RIN2: variants seen among roughly 807,000 people sequenced by gnomAD.
RIN2 encodes RAB5 interacting protein 2.
Under a neutral mutation model 78.0 loss-of-function variants are expected in RIN2, and 36 were observed. The observed-to-expected ratio is 0.46, with a 90% confidence interval of 0.35 to 0.61. RIN2 has a LOEUF of 0.61. Among genes scored for constraint, RIN2 ranks in the 20% least tolerant of loss-of-function variants. The pLI, the probability that RIN2 is intolerant of heterozygous loss-of-function variation, is 0.00. For missense variants in RIN2, 1,087 were observed against 1,159.7 expected, an observed-to-expected ratio of 0.94 and a Z score of 0.91; for synonymous variants, 466 against 466.8, an observed-to-expected ratio of 1.00 and a Z score of 0.02.
Position 19,898,366 on chromosome 20 carries a change from G to A in RIN2, c.57+8708G>A, listed in dbSNP as rs141211947. On this transcript the variant is annotated intron_variant, in intron 3 of 12. Coordinates refer to ENST00000255006, the MANE Select transcript of RIN2 (RefSeq NM_018993.4). Reference sequence around the variant, plus strand: ...TGTAGCTCTAAGTTTCATATTAGAAGGATACCAAGAAGGAAGATGTAGTTT... The same window carrying A: ...TGTAGCTCTAAGTTTCATATTAGAAAGATACCAAGAAGGAAGATGTAGTTT... Among the ~76,000 whole-genome samples, 478 of 152,212 alleles carry A rather than the reference G, an allele frequency of 3.1e-3. 2 individuals carry two copies. The highest frequency in any genetic ancestry group is 0.011 in the African/African-American group (442 of 41,516).
At chr20:19,954,162 T>C (rs2041440196) in intron 4 of RIN2, among the ~76,000 whole-genome samples, 1 of 152,230 alleles carries the variant, frequency 6.6e-6, no homozygotes, top group African/African-American at 2.4e-5. Context: ...TTCTTCTAAA[T>C]TCAGTCCCAC....
chr20:19,995,261 T>TTA lies in RIN2; in HGVS notation c.2201-1418_2201-1417insTA, dbSNP rs1555811955. ...AAATTGCCAGTGTCTGTTTTTTTTT[T>TTA]AAAAAAAAAAAAAAAAACAAAACAC... On this transcript the variant is annotated intron_variant, in intron 11 of 12. Transcript: ENST00000255006. Among the ~76,000 whole-genome samples the TTA allele has an allele frequency of 3.7e-3, 458 of 122,694 alleles. 2 individuals carry two copies. Among genetic ancestry groups the TTA allele is most frequent in the East Asian group, 0.028 (121 of 4,340 alleles). 80.5% of individuals were successfully genotyped at this position (122,694 alleles called of 152,430 possible).
chr20:19,840,886 G>A (rs2036556414), intron 2 of RIN2, among the ~76,000 whole-genome samples: 1 of 152,214 alleles, frequency 6.6e-6, no homozygotes, highest in Non-Finnish European at 1.5e-5. Context: ...CTGGTTAAGA[G>A]AGTTTGTTGT....
At position 19,992,347 on chromosome 20, in the gene RIN2, A is replaced by AT. The variant is rs763960549; in HGVS notation, c.2200+55dup. The AT allele has an allele frequency of 7.3e-6, 11 of 1,505,926 alleles. No homozygotes were observed. The African/African-American group carries it at 8.4e-5, about 12-fold the overall frequency. The allele number at this position is 1,505,926 out of a possible 1,614,324, so 93.3% of individuals were successfully genotyped here. ...GAAGGAACTGGGTGCTATTTTTTTC[A>AT]TTTTTTTATAATTGAGACGAAATTC... On this transcript the variant is annotated intron_variant, in intron 11 of 12. Transcript: ENST00000255006.
chr20:19,842,874 C>T (rs1253416356), intron 2 of RIN2, among the ~76,000 whole-genome samples: 1 of 151,762 alleles, frequency 6.6e-6, no homozygotes, highest in Non-Finnish European at 1.5e-5. Flanking sequence ...GAAAAGAATT[C>T]AGCATTCTAG....
chr20:19,911,790 T>G lies in RIN2; in HGVS notation c.57+22132T>G, dbSNP rs577466232. Among the ~76,000 whole-genome samples the G allele has an allele frequency of 2.2e-4, 33 of 152,348 alleles. No individual in the cohort carries two copies. The South Asian group carries it at 5.2e-3, about 24-fold the overall frequency. On this transcript the variant is annotated intron_variant, in intron 3 of 12. Coordinates refer to ENST00000255006, the MANE Select transcript of RIN2 (RefSeq NM_018993.4). ...CATGCAGAAAGTGCTCACGTCAATA[T>G]CCAGCTTAGTGAATTTCCACAAAGT...
chr20:19,943,157 A>G (rs536605568), intron 4 of RIN2, among the ~76,000 whole-genome samples: 1 of 152,352 alleles, frequency 6.6e-6, no homozygotes, highest in Admixed American at 6.5e-5. Flanking sequence ...AAGGGCAACC[A>G]GGACAACAGG....
At position 19,974,536 on chromosome 20, in the gene RIN2, C is replaced by A. The variant is rs574647585; in HGVS notation, c.629-118C>A. On this transcript the variant is annotated intron_variant, in intron 8 of 12. Coordinates refer to ENST00000255006, the MANE Select transcript of RIN2 (RefSeq NM_018993.4). ...ATGCAGTAAACCTGAGTACAACGCA[C>A]CCCCTACCCCACCCCGCAAGACTCG... 1.0e-5 allele frequency: 10 copies of A among 1,000,792 alleles called. No individual in the cohort carries two copies. The African/African-American group carries it at 1.3e-4, about 13-fold the overall frequency. 62.0% of individuals were successfully genotyped at this position (1,000,792 alleles called of 1,614,324 possible). A position where few individuals can be genotyped will look rare whatever the true frequency, so the allele number is the denominator to read the frequency against.
At chr20:19,803,954 T>C (rs763475623) in intron 2 of RIN2, among the ~76,000 whole-genome samples, 2 of 152,200 alleles carry the variant, frequency 1.3e-5, no homozygotes, top group Non-Finnish European at 2.9e-5. Flanking sequence ...ATTCTCTTTA[T>C]AGCAATTGTG....
At chr20:19,934,992 A>G in intron 3 of RIN2, 107 bp from the exon 4 acceptor site, 1 of 687,912 alleles carries the variant, frequency 1.5e-6, no homozygotes, top group Non-Finnish European at 2.4e-6. Flanking sequence ...AGAAATAGAA[A>G]AAGATGGTCA....
chr20:19,837,408 C>A (rs945791177), intron 2 of RIN2, among the ~76,000 whole-genome samples: 1 of 152,176 alleles, frequency 6.6e-6, no homozygotes, highest in Non-Finnish European at 1.5e-5. Context: ...CTTTCTTAAT[C>A]TTCACTAATT....
chr20:19,779,298 T>TA (rs370305720), intron 1 of RIN2, among the ~76,000 whole-genome samples: 5 of 141,752 alleles, frequency 3.5e-5, no homozygotes, highest in Admixed American at 7.1e-5. Flanking sequence ...AAGCACAGAT[T>TA]AAAAAAAAAA....
intron 2 of RIN2, among the ~76,000 whole-genome samples, chr20:19,812,796 G>T (rs1284872240): frequency 6.6e-6 from 1 of 152,160 alleles, no homozygotes; most frequent in Admixed American, 6.5e-5. Flanking sequence ...GTCATTGTCT[G>T]GTAATAATAC....
rs1253740772 is a variant in RIN2 at position 19,954,638 on chromosome 20, G to A, written c.159-1977G>A. Among the ~76,000 whole-genome samples the A allele has an allele frequency of 2.0e-5, 3 of 152,168 alleles. No individual in the cohort carries two copies. The East Asian group carries it at 5.8e-4, about 29-fold the overall frequency. ...TCCAGGGCTGCCAAGAGGAGTAAATGAGAGAATGTAGGTAAAGGGCTTGGC... is the reference window on the plus strand; with the variant it reads ...TCCAGGGCTGCCAAGAGGAGTAAATAAGAGAATGTAGGTAAAGGGCTTGGC... On this transcript the variant is annotated intron_variant, in intron 4 of 12. Transcript: ENST00000255006.
intron 2 of RIN2, among the ~76,000 whole-genome samples, chr20:19,813,553 T>A (rs2035669754): frequency 6.6e-6 from 1 of 152,204 alleles, no homozygotes; most frequent in African/African-American, 2.4e-5. Flanking sequence ...AATGAATACG[T>A]AATACATGTC....
Position 19,889,560 on chromosome 20 carries a change from C to G in RIN2, c.-36-6C>G. The G allele has an allele frequency of 6.5e-7, 1 of 1,547,822 alleles. No individual in the cohort carries two copies. Among genetic ancestry groups the G allele is most frequent in the Non-Finnish European group, 8.7e-7 (1 of 1,144,668 alleles). On this transcript the variant is annotated splice_polypyrimidine_tract_variant and splice_region_variant and intron_variant, in intron 2 of 12. Coordinates refer to ENST00000255006, the MANE Select transcript of RIN2 (RefSeq NM_018993.4). ...GACTAACCATTAAAAATGTCTCTACCTTCAGGAGTCCCCGGCGTGCAGTGG... is the reference window on the plus strand; with the variant it reads ...GACTAACCATTAAAAATGTCTCTACGTTCAGGAGTCCCCGGCGTGCAGTGG...
At chr20:19,767,217 G>A (rs1448343465) in intron 1 of RIN2, among the ~76,000 whole-genome samples, 3 of 152,184 alleles carry the variant, frequency 2.0e-5, no homozygotes, top group South Asian at 2.1e-4. Flanking sequence ...GATTGAGTGC[G>A]AACAGACTGC....
chr20:19,827,273 G>A (rs943832882), intron 2 of RIN2, among the ~76,000 whole-genome samples: 28 of 152,080 alleles, frequency 1.8e-4, no homozygotes, highest in African/African-American at 3.6e-4. Context: ...ACCACACCCC[G>A]CCTTTTTCTA....
At chr20:19,868,231 A>C (rs1323724205) in intron 2 of RIN2, among the ~76,000 whole-genome samples, 7 of 152,224 alleles carry the variant, frequency 4.6e-5, no homozygotes, top group African/African-American at 1.7e-4. Flanking sequence ...CAGGCCACAA[A>C]CCACGCATCG....
Sources: allele counts gnomAD v4.1 joint callset (sites outside exome capture counted in the v4.1 genomes callset), GRCh38; gene constraint gnomAD v4.1.1; transcripts MANE v1.5; gene names NCBI Gene and HGNC (gene_info 2026-07-23, HGNC 2026-07-21).